COBLL1: variants seen among roughly 807,000 people sequenced by gnomAD.
The protein encoded by COBLL1 is cordon-bleu WH2 repeat protein like 1, also known as cordon-bleu protein-like 1.
A neutral mutation model predicts 94.8 loss-of-function variants in COBLL1; 50 were observed. The observed-to-expected ratio is 0.53, with a 90% CI of 0.42 to 0.67. COBLL1 has a LOEUF of 0.67. Among genes scored for constraint, COBLL1 ranks in the 30% least tolerant of loss-of-function variants. The pLI is 0.00. For missense variants in COBLL1, 1,362 were observed against 1,348.7 expected, an observed-to-expected ratio of 1.01 and a Z score of -0.15; for synonymous variants, 448 against 473.8, an observed-to-expected ratio of 0.95 and a Z score of 0.71.
intron 2 of COBLL1, among the ~76,000 whole-genome samples, chr2:164,794,708 G>A (rs369590708): frequency 2.0e-5 from 3 of 151,754 alleles, no homozygotes; most frequent in Non-Finnish European, 2.9e-5. Context: ...CAGTACATAC[G>A]CAGCATAAGT....
chr2:164,701,028 T>C (rs1684225913), intron 9 of COBLL1, among the ~76,000 whole-genome samples: 2 of 152,208 alleles, frequency 1.3e-5, no homozygotes, highest in Admixed American at 1.3e-4. Context: ...AAACTTTAAG[T>C]TAAATATTTC....
At chr2:164,798,243 C>A (rs1464865514) in intron 2 of COBLL1, among the ~76,000 whole-genome samples, 1 of 152,200 alleles carries the variant, frequency 6.6e-6, no homozygotes, top group Non-Finnish European at 1.5e-5. Context: ...GCCTTCACAT[C>A]TCATCATTTA....
intron 2 of COBLL1, among the ~76,000 whole-genome samples, chr2:164,761,690 C>G (rs1386477729): frequency 6.6e-6 from 1 of 152,070 alleles, no homozygotes; most frequent in Non-Finnish European, 1.5e-5. Context: ...AGCATCGAGG[C>G]ACTTGATTTA....
chr2:164,690,514 A>T (rs1683537072), intron 13 of COBLL1, among the ~76,000 whole-genome samples: 1 of 152,218 alleles, frequency 6.6e-6, no homozygotes, highest in Non-Finnish European at 1.5e-5. Context: ...AGGGTCCATA[A>T]CACACCAAGT....
chr2:164,707,054 C>T (rs991147927), intron 7 of COBLL1, among the ~76,000 whole-genome samples: 1 of 152,172 alleles, frequency 6.6e-6, no homozygotes, highest in African/African-American at 2.4e-5. Context: ...TCCTCCATCA[C>T]AGGGTGGTCA....
intron 7 of COBLL1, among the ~76,000 whole-genome samples, chr2:164,712,333 G>A (rs2105474640): frequency 6.6e-6 from 1 of 152,198 alleles, no homozygotes; most frequent in Non-Finnish European, 1.5e-5. Context: ...GTTTCTAATA[G>A]AATCTGTTGG....
intron 2 of COBLL1, among the ~76,000 whole-genome samples, chr2:164,835,462 A>T (rs926470521): frequency 2.0e-5 from 3 of 152,182 alleles, no homozygotes; most frequent in Non-Finnish European, 4.4e-5. Flanking sequence ...TCAGAGACAA[A>T]GTAGAATGGT....
intron 2 of COBLL1, among the ~76,000 whole-genome samples, chr2:164,836,031 A>G (rs1683302706): frequency 6.6e-6 from 1 of 152,162 alleles, no homozygotes; most frequent in African/African-American, 2.4e-5. Context: ...CAGTACAAAT[A>G]TAAGGTCATA....
At chr2:164,741,284 C>CA (rs947822451) in intron 3 of COBLL1, among the ~76,000 whole-genome samples, 16 of 151,084 alleles carry the variant, frequency 1.1e-4, no homozygotes, top group Non-Finnish European at 2.2e-4. Flanking sequence ...AAAAAACAAA[C>CA]AAAAAAAAGA....
chr2:164,743,915 ATT>A, intron 2 of COBLL1, 40 bp from the exon 3 acceptor site: 1 of 1,354,948 alleles, frequency 7.4e-7, no homozygotes, highest in Non-Finnish European at 9.9e-7. Flanking sequence ...AAAATATTTT[ATT>A]TTTAAGGTAA....
At chr2:164,799,058 T>C in intron 2 of COBLL1, among the ~76,000 whole-genome samples, 1 of 148,932 alleles carries the variant, frequency 6.7e-6, no homozygotes, top group Admixed American at 6.7e-5. Context: ...AGCAAGTGGT[T>C]GCTTACTCTA....
intron 2 of COBLL1, among the ~76,000 whole-genome samples, chr2:164,755,223 GC>G (rs1202447850): frequency 6.6e-6 from 1 of 152,126 alleles, no homozygotes; most frequent in Non-Finnish European, 1.5e-5. Context: ...TTTCCCTCTA[GC>G]ATGTAGAGTA....
intron 13 of COBLL1, among the ~76,000 whole-genome samples, chr2:164,690,499 A>T (rs1683534355): frequency 6.6e-6 from 1 of 152,220 alleles, no homozygotes; most frequent in Non-Finnish European, 1.5e-5. Context: ...AAGGACTGCC[A>T]AGTCAGGGTC....
At chr2:164,804,804 C>G (rs1684004771) in intron 2 of COBLL1, among the ~76,000 whole-genome samples, 1 of 152,204 alleles carries the variant, frequency 6.6e-6, no homozygotes, top group Non-Finnish European at 1.5e-5. Context: ...ACAAGGCCAA[C>G]AAGGCATCTC....
chr2:164,781,222 T>C (rs551489293), intron 2 of COBLL1, among the ~76,000 whole-genome samples: 4 of 152,236 alleles, frequency 2.6e-5, no homozygotes, highest in Non-Finnish European at 5.9e-5. Context: ...TATTAGACTT[T>C]CTTTTTTAAC....
In COBLL1 at chr2:164,785,733, T is replaced by C. The variant is rs940094356; in HGVS notation, c.42-41858A>G. ...CCAGTCATCATATAACTATTCTTTC[T>C]CCTTGCTGGGAGTTTTCAGTGGTAT... On this transcript the variant is annotated intron_variant, in intron 2 of 13. Coordinates refer to ENST00000652658, the MANE Select transcript of COBLL1 (RefSeq NM_001365672.2). Among the ~76,000 whole-genome samples, 3 of 152,010 alleles carry C rather than the reference T, an allele frequency of 2.0e-5. No homozygotes were observed. In the East Asian group the frequency reaches 5.8e-4, roughly 29 times the overall value.
At chr2:164,838,008 T>A (rs1277916271) in intron 2 of COBLL1, among the ~76,000 whole-genome samples, 1 of 151,956 alleles carries the variant, frequency 6.6e-6, no homozygotes, top group Admixed American at 6.5e-5. Flanking sequence ...ATAGCAAGAC[T>A]CCAGCCTGTC....
chr2:164,675,456 T>C (rs1278653465), downstream of COBLL1, among the ~76,000 whole-genome samples: 1 of 152,108 alleles, frequency 6.6e-6, no homozygotes, highest in African/African-American at 2.4e-5. Flanking sequence ...TTTAAATAAA[T>C]ATAGGCTTGT....
At chr2:164,760,205 T>C (rs772518669) in intron 2 of COBLL1, among the ~76,000 whole-genome samples, 1 of 152,152 alleles carries the variant, frequency 6.6e-6, no homozygotes, top group Non-Finnish European at 1.5e-5. Flanking sequence ...AACAGAAAAC[T>C]ACTCAGCAAT....
Sources: gnomAD v4.1 joint callset for allele counts (sites outside exome capture counted in the v4.1 genomes callset) on GRCh38, gnomAD v4.1.1 for gene constraint, MANE v1.5 for transcripts, NCBI Gene and HGNC (gene_info 2026-07-23, HGNC 2026-07-21) for gene names.